The following GABRB1 variants were observed in gnomAD, a reference collection of about 807,000 sequenced individuals.
GABRB1 encodes gamma-aminobutyric acid type A receptor subunit beta1, also known as gamma-aminobutyric acid receptor subunit beta-1.
GABRB1 carries 17 observed loss-of-function variants against 51.6 expected under a neutral mutation model. The ratio of observed to expected loss-of-function variants is 0.33; its 90% CI spans 0.23 to 0.49. The LOEUF (loss-of-function observed/expected upper bound fraction) is 0.49, where lower values mean the gene tolerates loss of function less well. Among genes scored for constraint, GABRB1 ranks in the 20% least tolerant of loss-of-function variants. GABRB1 has a pLI of 0.99. For missense variants in GABRB1, 410 were observed against 600.6 expected (o/e 0.68, Z 3.32); for synonymous variants, 247 against 218.9 (o/e 1.13, Z -1.14).
At chr4:47,155,235 A>G (rs915968477) in intron 3 of GABRB1, among the ~76,000 whole-genome samples, 3 of 152,040 alleles carry the variant, frequency 2.0e-5, no homozygotes, top group African/African-American at 4.8e-5. Context: ...GCTCTACTCT[A>G]ATAGGCTTTC....
chr4:47,202,607 A>T (rs894707994), intron 4 of GABRB1, among the ~76,000 whole-genome samples: 6 of 152,302 alleles, frequency 3.9e-5, no homozygotes, highest in Non-Finnish European at 7.4e-5. Flanking sequence ...GAACAATTGA[A>T]ATACATCCTG....
At chr4:47,082,793 T>C (rs1389341298) in intron 3 of GABRB1, among the ~76,000 whole-genome samples, 2 of 152,116 alleles carry the variant, frequency 1.3e-5, no homozygotes, top group African/African-American at 4.8e-5. Context: ...TCTAATTTAG[T>C]AAATAACTGA....
At chr4:47,315,808 C>T (rs1724862975) in intron 4 of GABRB1, among the ~76,000 whole-genome samples, 1 of 151,734 alleles carries the variant, frequency 6.6e-6, no homozygotes, top group South Asian at 2.1e-4. Flanking sequence ...CATGTTCTCA[C>T]TTATAAGTGG....
intron 8 of GABRB1, among the ~76,000 whole-genome samples, chr4:47,411,354 T>C (rs1040741589): frequency 1.3e-5 from 2 of 152,152 alleles, no homozygotes; most frequent in Non-Finnish European, 2.9e-5. Flanking sequence ...AAAACTTGGA[T>C]GTCTCTCAAG....
At chr4:47,255,115 T>C (rs908704356) in intron 4 of GABRB1, among the ~76,000 whole-genome samples, 1 of 152,234 alleles carries the variant, frequency 6.6e-6, no homozygotes, top group Non-Finnish European at 1.5e-5. Flanking sequence ...TTTGAGTACC[T>C]GATCTTTGAG....
chr4:47,043,555 C>CG (rs1725952636), intron 3 of GABRB1, among the ~76,000 whole-genome samples: 1 of 152,050 alleles, frequency 6.6e-6, no homozygotes, highest in Non-Finnish European at 1.5e-5. Context: ...AGTCACTGTT[C>CG]TGCTGTTCCA....
intron 4 of GABRB1, among the ~76,000 whole-genome samples, chr4:47,192,926 A>G (rs1183715464): frequency 1.3e-5 from 2 of 152,160 alleles, no homozygotes; most frequent in Admixed American, 6.5e-5. Flanking sequence ...CAGATGAGAA[A>G]ACTGACATAT....
At chr4:47,010,648 C>A (rs1288795999) in intron 1 of GABRB1, among the ~76,000 whole-genome samples, 2 of 152,150 alleles carry the variant, frequency 1.3e-5, no homozygotes, top group African/African-American at 2.4e-5. Flanking sequence ...ACCATATATT[C>A]TTATTATGTA....
intron 8 of GABRB1, among the ~76,000 whole-genome samples, chr4:47,412,573 G>A (rs1728794603): frequency 6.6e-6 from 1 of 152,134 alleles, no homozygotes. Context: ...GGAGCATTAT[G>A]GCTAAGATTT....
chr4:47,347,527 G>A (rs1397436963), intron 5 of GABRB1, among the ~76,000 whole-genome samples: 1 of 152,046 alleles, frequency 6.6e-6, no homozygotes, highest in Non-Finnish European at 1.5e-5. Context: ...TTGGAACATA[G>A]TAACTAAAGA....
chr4:46,997,164 G>C (rs1560490201), intron 1 of GABRB1, among the ~76,000 whole-genome samples: 2 of 151,972 alleles, frequency 1.3e-5, no homozygotes, highest in Non-Finnish European at 2.9e-5. Flanking sequence ...TCATTGTCTA[G>C]TTATAGACTT....
At chr4:47,119,108 G>C (rs927454078) in intron 3 of GABRB1, among the ~76,000 whole-genome samples, 2 of 152,088 alleles carry the variant, frequency 1.3e-5, no homozygotes, top group African/African-American at 4.8e-5. Flanking sequence ...AAATATATGT[G>C]TATATAAACA....
chr4:47,064,746 T>A (rs1426785790), intron 3 of GABRB1, among the ~76,000 whole-genome samples: 1 of 152,084 alleles, frequency 6.6e-6, no homozygotes, highest in African/African-American at 2.4e-5. Flanking sequence ...CTTTAACTGC[T>A]AGGATGACAG....
chr4:47,314,330 T>A (rs1473707458), intron 4 of GABRB1, among the ~76,000 whole-genome samples: 1 of 152,018 alleles, frequency 6.6e-6, no homozygotes, highest in Non-Finnish European at 1.5e-5. Context: ...TAAGTACCCA[T>A]ACACATGAGA....
intron 5 of GABRB1, among the ~76,000 whole-genome samples, chr4:47,332,140 C>T (rs1481503939): frequency 6.6e-6 from 1 of 152,182 alleles, no homozygotes; most frequent in Admixed American, 6.5e-5. Context: ...ACATTCTTGC[C>T]AGTTAAACCA....
At chr4:47,311,154 G>A (rs111452504) in intron 4 of GABRB1, among the ~76,000 whole-genome samples, 3,371 of 151,848 alleles carry the variant, frequency 0.022, 51 homozygotes, top group Non-Finnish European at 0.038. Context: ...AGCACTCTGG[G>A]AGGCCAAGGC....
At chr4:47,144,811 A>G (rs1316782416) in intron 3 of GABRB1, among the ~76,000 whole-genome samples, 6 of 138,850 alleles carry the variant, frequency 4.3e-5, no homozygotes, top group African/African-American at 1.5e-4. Context: ...CTTGCCTCAT[A>G]TACACAGAAA....
chr4:47,370,152 T>A (rs1280122307), intron 5 of GABRB1, among the ~76,000 whole-genome samples: 1 of 152,128 alleles, frequency 6.6e-6, no homozygotes, highest in Admixed American at 6.5e-5. Context: ...CAAAAACGGC[T>A]GTTTATAATT....
At chr4:47,071,786 G>C (rs1727347319) in intron 3 of GABRB1, among the ~76,000 whole-genome samples, 1 of 151,566 alleles carries the variant, frequency 6.6e-6, no homozygotes, top group African/African-American at 2.4e-5. Flanking sequence ...AAAGGTATCT[G>C]TTAAATGAAC....
Sources: gnomAD v4.1 joint callset for allele counts (sites outside exome capture counted in the v4.1 genomes callset) on GRCh38, gnomAD v4.1.1 for gene constraint, MANE v1.5 for transcripts, NCBI Gene and HGNC (gene_info 2026-07-23, HGNC 2026-07-21) for gene names.